The following AMY2B variants were observed in gnomAD, a reference collection of about 807,000 sequenced individuals.
The protein encoded by AMY2B is amylase alpha 2B.
Under a neutral mutation model 59.3 loss-of-function variants are expected in AMY2B, and 63 were observed. That is an observed-to-expected ratio of 1.06 (90% confidence interval 0.87 to 1.31). AMY2B has a LOEUF of 1.31. AMY2B is among the 50% of genes most tolerant of loss of function. The probability of loss-of-function intolerance (pLI) is 0.00; values close to 1 mark genes in which losing one functional copy is unlikely to be tolerated. For missense variants in AMY2B, 635 were observed against 626.7 expected (o/e 1.01, Z -0.14); for synonymous variants, 180 against 198.1 (o/e 0.91, Z 0.77).
chr1:103,556,091 G>A (rs780789171), intron 1 of AMY2B, among the ~76,000 whole-genome samples: 2 of 152,156 alleles, frequency 1.3e-5, no homozygotes, highest in South Asian at 2.1e-4. Flanking sequence ...TAGGAAACAA[G>A]GTCATAAAGA....
chr1:103,568,699 A>G (rs917001416), upstream of AMY2B: 12 of 152,020 alleles, frequency 7.9e-5, no homozygotes, highest in Non-Finnish European at 1.8e-4. Flanking sequence ...CGGATATCAC[A>G]AACAAAAGAC....
At chr1:103,563,262 G>C (rs919186212) in intron 1 of AMY2B, among the ~76,000 whole-genome samples, 1 of 152,000 alleles carries the variant, frequency 6.6e-6, no homozygotes, top group African/African-American at 2.4e-5. Flanking sequence ...GCACATGATA[G>C]TAACCGTTAG....
In AMY2B at chr1:103,575,736, G is replaced by C. The variant is rs546464008; in HGVS notation, c.1101+196G>C. 1.2e-5 allele frequency: 10 copies of C among 818,110 alleles called. No individual in the cohort carries two copies. In the East Asian group the frequency reaches 3.2e-4, roughly 26 times the overall value. The allele number at this position is 818,110 out of a possible 1,614,324, so 50.7% of individuals were successfully genotyped here. On this transcript the variant is annotated intron_variant, in intron 7 of 9. Coordinates refer to ENST00000684275, the MANE Select transcript of AMY2B (RefSeq NM_001387437.1). ...TTTTCCATTGACAAAGAGTATGCAA[G>C]CCTTTTCAGACATATGATAAACATC...
At position 103,575,573 on chromosome 1, in the gene AMY2B, C is replaced by T. The variant is rs757274815; in HGVS notation, c.1101+33C>T. Reference sequence around the variant, plus strand: ...TTGAAATTGTTCAAACTATCCTTTTCTCAAGAAACAGAAGGCAATCTTGTT... The same window carrying T: ...TTGAAATTGTTCAAACTATCCTTTTTTCAAGAAACAGAAGGCAATCTTGTT... On this transcript the variant is annotated intron_variant, in intron 7 of 9. Transcript: ENST00000684275. 1.9e-6 allele frequency: 3 copies of T among 1,609,842 alleles called. No individual in the cohort carries two copies. The African/African-American group carries it at 4.0e-5, about 22-fold the overall frequency.
rs766489351 is a variant in AMY2B at position 103,572,151 on chromosome 1, C to G, written c.210C>G (p.Phe70Leu). The change falls in exon 2 of 10, where the codon TTC becomes TTG. Residue 70 changes from phenylalanine to leucine, a missense_variant. Physicochemically the swap from Phe to Leu is conservative, Grantham distance 22. Coordinates refer to ENST00000684275, the MANE Select transcript of AMY2B (RefSeq NM_001387437.1). ...AAAATGTTGCAATTCACAACCCTTTCAGACCTTGGTGGGAAAGATACCAAC... is the reference window on the plus strand; with the variant it reads ...AAAATGTTGCAATTCACAACCCTTTGAGACCTTGGTGGGAAAGATACCAAC... The part of the protein sequence containing the change: ...PNENVAIHNP[F>L]RPWWERYQPV... 6.2e-7 allele frequency: 1 copy of G among 1,611,708 alleles called. No homozygotes were observed. The highest frequency in any genetic ancestry group is 1.1e-5 in the South Asian group (1 of 90,978).
chr1:103,570,942 C>A, upstream of AMY2B: 2 of 347,524 alleles, frequency 5.8e-6, no homozygotes, highest in Admixed American at 3.9e-5. Flanking sequence ...TTGGTCACTT[C>A]ATGGCTAAAA....
Position 103,557,077 on chromosome 1 carries a change from T to C in AMY2B, c.-207+1968T>C, listed in dbSNP as rs192704336. 8.5e-5 allele frequency among the ~76,000 whole-genome samples: 13 copies of C among 152,208 alleles called. No individual in the cohort carries two copies. The East Asian group carries it at 1.5e-3, about 18-fold the overall frequency. On this transcript the variant is annotated intron_variant, in intron 1 of 11. Transcript: ENST00000361355. ...TTAAGCTGCAAAATGTCCCACCCTA[T>C]ATTTTCTGAAAACAAACGGTATATA... is the stretch of plus-strand genomic sequence containing the variant.
intron 4 of AMY2B, 118 bp from the exon 5 acceptor site, chr1:103,574,142 T>C: frequency 6.7e-7 from 1 of 1,491,418 alleles, no homozygotes; most frequent in Non-Finnish European, 9.0e-7. Flanking sequence ...AATAAATAGC[T>C]TAATTTATTA....
intron 1 of AMY2B, among the ~76,000 whole-genome samples, chr1:103,560,528 T>A (rs1380358977): frequency 1.3e-5 from 2 of 152,114 alleles, no homozygotes; most frequent in African/African-American, 4.8e-5. Flanking sequence ...TACATTGAAT[T>A]TTTTTTACCC....
Position 103,579,473 on chromosome 1 carries a change from T to G in AMY2B, c.1509T>G (p.Ile503Met). The G allele has an allele frequency of 1.2e-6, 2 of 1,611,338 alleles. No individual in the cohort carries two copies. Among genetic ancestry groups the G allele is most frequent in the Non-Finnish European group, 1.7e-6 (2 of 1,179,606 alleles). Reference protein sequence around the residue: ...SISNSAEDPFIAIHAESKL With the variant: ...SISNSAEDPFMAIHAESKL ...GTAACTCTGCTGAGGATCCATTTAT[T>G]GCAATTCATGCTGAATCTAAATTAT... Residue 503 changes from isoleucine to methionine, a missense_variant, in exon 10 of 10, where the codon ATT becomes ATG. By Grantham distance (10) the Ile-to-Met change is conservative. Transcript: ENST00000684275.
chr1:103,565,358 T>C (rs1651874081), intron 1 of AMY2B: 1 of 152,204 alleles, frequency 6.6e-6, no homozygotes, highest in Non-Finnish European at 1.5e-5. Context: ...TTACATTGTT[T>C]AGGGAATAAT....
chr1:103,573,939 G>A lies in AMY2B; in HGVS notation c.744+1G>A, dbSNP rs1157123675. On this transcript the variant is annotated splice_donor_variant, in intron 4 of 9. Coordinates refer to ENST00000684275, the MANE Select transcript of AMY2B (RefSeq NM_001387437.1). LOFTEE classifies it high-confidence loss of function. ...AAGTAAACCTTTCATTTACCAGGAGGTACATCAATACATATATGCATATAA... is the reference window on the plus strand; with the variant it reads ...AAGTAAACCTTTCATTTACCAGGAGATACATCAATACATATATGCATATAA... 1.2e-6 allele frequency: 2 copies of A among 1,613,630 alleles called. No individual in the cohort carries two copies. The highest frequency in any genetic ancestry group is 3.3e-5 in the Admixed American group (2 of 59,990).
At chr1:103,577,135 G>A (rs1188771861) in intron 7 of AMY2B, among the ~76,000 whole-genome samples, 2 of 152,232 alleles carry the variant, frequency 1.3e-5, no homozygotes, top group Admixed American at 1.3e-4. Flanking sequence ...CTACTTAGGA[G>A]GCTGAGATAG....
intron 7 of AMY2B, 77 bp from the exon 8 acceptor site, chr1:103,577,413 G>T: frequency 1.2e-6 from 2 of 1,608,108 alleles, no homozygotes; most frequent in Non-Finnish European, 1.7e-6. Context: ...TAACAGGATA[G>T]GTTGGGTTTG....
intron 1 of AMY2B, among the ~76,000 whole-genome samples, chr1:103,560,567 G>C (rs866841326): frequency 1.3e-5 from 2 of 152,052 alleles, no homozygotes; most frequent in African/African-American, 2.4e-5. Context: ...CACATTTTCT[G>C]TTTTGTTAAT....
At chr1:103,568,342 T>G (rs1318683010), upstream of AMY2B, 1 of 152,200 alleles carries the variant, frequency 6.6e-6, no homozygotes, top group African/African-American at 2.4e-5. Flanking sequence ...ACAAATTTAT[T>G]TATTTAGCAT....
chr1:103,562,247 A>G (rs1482409771), intron 1 of AMY2B, among the ~76,000 whole-genome samples: 2 of 152,190 alleles, frequency 1.3e-5, no homozygotes, highest in African/African-American at 4.8e-5. Context: ...TGCAGTACAA[A>G]ATGTACTATT....
intron 1 of AMY2B, among the ~76,000 whole-genome samples, chr1:103,564,587 C>CT (rs1485296916): frequency 6.6e-6 from 1 of 152,066 alleles, no homozygotes; most frequent in Non-Finnish European, 1.5e-5. Context: ...CATCCAATAT[C>CT]TTTTTTGGTA....
intron 1 of AMY2B, chr1:103,561,730 A>G (rs1407320292): frequency 6.6e-6 from 1 of 152,096 alleles, no homozygotes; most frequent in Non-Finnish European, 1.5e-5. Context: ...GATATTGTAG[A>G]AAAAGGAAGG....
Sources: gnomAD v4.1 joint callset for allele counts (sites outside exome capture counted in the v4.1 genomes callset) on GRCh38, gnomAD v4.1.1 for gene constraint, MANE v1.5 for transcripts, NCBI Gene and HGNC (gene_info 2026-07-23, HGNC 2026-07-21) for gene names.